Variants in KLHDC1 observed in about 807,000 individuals in gnomAD.
The protein encoded by KLHDC1 is kelch domain containing 1, also known as kelch domain-containing protein 1.
In KLHDC1, 53 loss-of-function variants were observed where a neutral mutation model predicts 68.3. The observed-to-expected ratio is 0.78, with a 90% confidence interval of 0.62 to 0.98. KLHDC1 has a LOEUF of 0.98. Ranked by LOEUF, KLHDC1 falls within the 50% of genes least tolerant of loss-of-function variation. The pLI is 0.00. For synonymous variants in KLHDC1, 148 were observed against 159.0 expected (o/e 0.93, Z 0.52); for missense variants, 470 against 492.3 (o/e 0.95, Z 0.43).
At chr14:49,722,266 AT>A (rs1382720701) in intron 4 of KLHDC1, among the ~76,000 whole-genome samples, 6 of 152,158 alleles carry the variant, frequency 3.9e-5, no homozygotes, top group Non-Finnish European at 7.4e-5. Flanking sequence ...TCCTAAGGCT[AT>A]CCCCGACCCC....
intron 4 of KLHDC1, among the ~76,000 whole-genome samples, chr14:49,713,836 ATATATATATATATATT>A (rs1318253006): frequency 0.023 from 71 of 3,138 alleles, 3 homozygotes; most frequent in African/African-American, 0.048. Context: ...ATATATATAT[ATATATATATATATATT>A]TTTTTTTTTT....
intron 6 of KLHDC1, 65 bp from the exon 7 acceptor site, chr14:49,728,861 A>G (rs1191508730): frequency 1.2e-5 from 13 of 1,111,748 alleles, no homozygotes; most frequent in Non-Finnish European, 1.7e-5. Context: ...CATACTGAGC[A>G]TAGGAATGTA....
At chr14:49,709,866 T>C (rs756113488) in intron 3 of KLHDC1, 40 bp downstream of exon 3, 1 of 936,818 alleles carries the variant, frequency 1.1e-6, no homozygotes, top group South Asian at 1.6e-5. Flanking sequence ...CAAAATGTAA[T>C]ATTTAATGCA....
At chr14:49,699,118 C>T (rs1323433742) in intron 1 of KLHDC1, among the ~76,000 whole-genome samples, 1 of 142,826 alleles carries the variant, frequency 7.0e-6, no homozygotes, top group East Asian at 2.1e-4. Flanking sequence ...GAACCGAGAT[C>T]GTGCCACCGC....
At chr14:49,697,129 G>T (rs181053228) in intron 1 of KLHDC1, among the ~76,000 whole-genome samples, 3 of 152,112 alleles carry the variant, frequency 2.0e-5, no homozygotes, top group Non-Finnish European at 4.4e-5. Flanking sequence ...ATAGAGATGG[G>T]GTTTCACCGT....
chr14:49,705,310 T>C (rs1337092025), intron 1 of KLHDC1, among the ~76,000 whole-genome samples: 1 of 150,906 alleles, frequency 6.6e-6, no homozygotes. Flanking sequence ...TAGGGAGCCA[T>C]TGAAAGGACT....
chr14:49,695,124 G>GTGTGTGTGTGTGTGTGTA (rs1385148333), intron 1 of KLHDC1, among the ~76,000 whole-genome samples: 66 of 150,866 alleles, frequency 4.4e-4, no homozygotes, highest in African/African-American at 1.6e-3. Flanking sequence ...TGATGTGTGT[G>GTGTGTGTGTGTGTGTGTA]TGTGTGTGTG....
rs1488156578 is a variant in KLHDC1 at position 49,701,338 on chromosome 14, GA to G, written c.97-7815del. On this transcript the variant is annotated intron_variant, in intron 1 of 12. Coordinates refer to ENST00000359332, the MANE Select transcript of KLHDC1 (RefSeq NM_172193.3). ...AAATCTTGAGGAAAAAACTATAATG[GA>G]AAAAATTGGCAGATCAGACTTCTAA... Among the ~76,000 whole-genome samples the G allele has an allele frequency of 2.0e-5, 3 of 151,950 alleles. No homozygotes were observed. The East Asian group carries it at 5.8e-4, about 29-fold the overall frequency.
chr14:49,694,757 G>A (rs923901262), intron 1 of KLHDC1, among the ~76,000 whole-genome samples: 2 of 152,128 alleles, frequency 1.3e-5, no homozygotes, highest in South Asian at 2.1e-4. Context: ...GGGAGGCTGA[G>A]GCAGGAGAAT....
intron 1 of KLHDC1, among the ~76,000 whole-genome samples, chr14:49,702,149 C>CA (rs1887925358): frequency 8.9e-6 from 1 of 112,970 alleles, no homozygotes; most frequent in Non-Finnish European, 1.8e-5. Context: ...GCCTGGGCAA[C>CA]AAGAGCGAAA....
At chr14:49,730,678 G>C (rs1188953152) in intron 8 of KLHDC1, among the ~76,000 whole-genome samples, 1 of 152,108 alleles carries the variant, frequency 6.6e-6, no homozygotes, top group African/African-American at 2.4e-5. Context: ...ATTTTTAAAA[G>C]ATGTTCAACC....
chr14:49,707,172 T>C (rs1400012546), intron 1 of KLHDC1, among the ~76,000 whole-genome samples: 1 of 151,916 alleles, frequency 6.6e-6, no homozygotes, highest in Non-Finnish European at 1.5e-5. Context: ...TGGTGAAAGA[T>C]AGGAATCTAG....
rs182529093 is a variant in KLHDC1 at position 49,697,657 on chromosome 14, T to A, written c.96+4367T>A. Among the ~76,000 whole-genome samples, 336 of 152,314 alleles carry A rather than the reference T, an allele frequency of 2.2e-3. 1 individual carries two copies. The highest frequency in any genetic ancestry group is 7.0e-3 in the African/African-American group (289 of 41,566). ...ATGAGGTATGCCTATACTGTGTGTG[T>A]TAAATAATTCTCAGATTCAAGTTGG... On this transcript the variant is annotated intron_variant, in intron 1 of 12. Transcript: ENST00000359332.
intron 1 of KLHDC1, among the ~76,000 whole-genome samples, chr14:49,697,248 A>G (rs1887770402): frequency 2.0e-5 from 3 of 152,132 alleles, no homozygotes; most frequent in African/African-American, 7.2e-5. Context: ...CCTACTTTCA[A>G]TATTGTTGTA....
At chr14:49,728,632 T>TTATA (rs1360287759) in intron 6 of KLHDC1, among the ~76,000 whole-genome samples, 1 of 152,182 alleles carries the variant, frequency 6.6e-6, no homozygotes, top group Non-Finnish European at 1.5e-5. Flanking sequence ...TTTAAAATCT[T>TTATA]TATACAGTAT....
At chr14:49,698,552 G>A (rs1035658033) in intron 1 of KLHDC1, among the ~76,000 whole-genome samples, 2 of 150,368 alleles carry the variant, frequency 1.3e-5, no homozygotes, top group Non-Finnish European at 3.0e-5. Context: ...GTATCTCTCT[G>A]TTGCCCAGGC....
intron 4 of KLHDC1, 89 bp from the exon 5 acceptor site, chr14:49,723,785 T>A (rs763829511): frequency 1.5e-5 from 10 of 680,354 alleles, no homozygotes; most frequent in Non-Finnish European, 2.5e-5. Context: ...TGTGTTTGGG[T>A]TGTTAAGGTG....
At chr14:49,712,813 G>A (rs753876252) in intron 4 of KLHDC1, among the ~76,000 whole-genome samples, 2 of 150,626 alleles carry the variant, frequency 1.3e-5, no homozygotes, top group African/African-American at 2.4e-5. Context: ...TAATTTTTGT[G>A]TTGTTCAGTA....
At chr14:49,694,657 C>T (rs1440120470) in intron 1 of KLHDC1, among the ~76,000 whole-genome samples, 1 of 152,080 alleles carries the variant, frequency 6.6e-6, no homozygotes, top group East Asian at 1.9e-4. Flanking sequence ...AGTCCGAGAC[C>T]AGCCTGGCCA....
Sources: allele counts gnomAD v4.1 joint callset (sites outside exome capture counted in the v4.1 genomes callset), GRCh38; gene constraint gnomAD v4.1.1; transcripts MANE v1.5; gene names NCBI Gene and HGNC (gene_info 2026-07-23, HGNC 2026-07-21).